Variants in SPATA31A6 observed in about 807,000 individuals in gnomAD.
SPATA31A6 encodes the protein spermatogenesis-associated protein 31A6.
SPATA31A6 carries 9 observed loss-of-function variants against 11.9 expected under a neutral mutation model. The ratio of observed to expected loss-of-function variants is 0.76; its 90% confidence interval spans 0.46 to 1.32. SPATA31A6 has a LOEUF of 1.32. SPATA31A6 is among the 40% of genes most tolerant of loss of function. The probability of loss-of-function intolerance (pLI) is 0.00; values close to 1 mark genes in which losing one functional copy is unlikely to be tolerated. For missense variants in SPATA31A6, 855 were observed against 1,467.3 expected (o/e 0.58, Z 6.82); for synonymous variants, 314 against 572.1 (o/e 0.55, Z 6.44).
chr9:42,186,736 A>G lies in SPATA31A6; in HGVS notation c.1034A>G (p.Glu345Gly), dbSNP rs1464365571. 6.5e-7 allele frequency: 1 copy of G among 1,529,936 alleles called. No homozygotes were observed. The highest frequency in any genetic ancestry group is 1.8e-5 in the Admixed American group (1 of 56,984). 94.8% of individuals were successfully genotyped at this position (1,529,936 alleles called of 1,614,324 possible). A position where few individuals can be genotyped will look rare whatever the true frequency, so the allele number is the denominator to read the frequency against. Residue 345 changes from glutamate (E) to glycine (G), a missense_variant, in exon 4 of 4, where the codon GAA becomes GGA. Physicochemically the swap from Glu to Gly is moderately conservative, Grantham distance 98 (BLOSUM62 -2). Coordinates refer to ENST00000332857, the MANE Select transcript of SPATA31A6 (RefSeq NM_001145196.1). ...AAGGTCAACATTTGGGAAGAAAAAG[A>G]AAATGTTGGATCATTTACAAATCAA... ...TAKVNIWEEK[E>G]NVGSFTNQMT...
intron 1 of SPATA31A6, 133 bp downstream of exon 1, chr9:42,184,009 C>T: frequency 7.1e-7 from 1 of 1,415,722 alleles, no homozygotes; most frequent in Non-Finnish European, 9.4e-7. Context: ...CATCATCCTT[C>T]CAGGGAGAGG....
In SPATA31A6 at chr9:42,189,425, G is replaced by T. The variant is rs1246383484; in HGVS notation, c.3723G>T (p.Gly1241=). The part of the protein sequence containing the change: ...HKQKFQAPVC[G]FPCNHRHLFY... ...AGAAGTTTCAAGCCCCAGTCTGTGG[G>T]TTTCCCTGCAACCACAGGCACCTCT... Residue 1241 remains glycine, a synonymous_variant, in exon 4 of 4, where the codon GGG becomes GGT. Coordinates refer to ENST00000332857, the MANE Select transcript of SPATA31A6 (RefSeq NM_001145196.1). The T allele has an allele frequency of 2.6e-6, 4 of 1,563,022 alleles. No individual in the cohort carries two copies.
intron 1 of SPATA31A6, among the ~76,000 whole-genome samples, chr9:42,184,359 C>T (rs1288990414): frequency 6.2e-5 from 8 of 129,420 alleles, no homozygotes; most frequent in Non-Finnish European, 9.7e-5. Flanking sequence ...GCAGTGCCTG[C>T]GGGCCTGAAC....
rs1478010313 is a variant in SPATA31A6 at position 42,185,653 on chromosome 9, G to A, written c.248-42G>A. ...CCACTCAGCCTCCTGTGAGATCCCA[G>A]GCCCCTCCCTCACTGCCCTAACCCA... On this transcript the variant is annotated intron_variant, in intron 2 of 3. Coordinates refer to ENST00000332857, the MANE Select transcript of SPATA31A6 (RefSeq NM_001145196.1). 4.1e-6 allele frequency: 6 copies of A among 1,470,290 alleles called. 1 individual carries two copies. The Admixed American group carries it at 9.1e-5, about 22-fold the overall frequency. 91.1% of individuals were successfully genotyped at this position (1,470,290 alleles called of 1,614,324 possible). A position where few individuals can be genotyped will look rare whatever the true frequency, so the allele number is the denominator to read the frequency against.
chr9:42,183,753 A>G lies in SPATA31A6; in HGVS notation c.66A>G (p.Thr22=). ...CATCGCTAAACGCCCCCAGCTCCAC[A>G]CCATGGGTGTTGGATATCTTCCTCA... ...SASSLNAPSS[T]PWVLDIFLTL... Residue 22 remains threonine (T), a synonymous_variant, in exon 1 of 4, where the codon ACA becomes ACG. Transcript: ENST00000332857. 6.5e-7 allele frequency: 1 copy of G among 1,535,154 alleles called. No homozygotes were observed. Among genetic ancestry groups the G allele is most frequent in the South Asian group, 1.1e-5 (1 of 87,276 alleles).
In SPATA31A6 at chr9:42,187,360, C is replaced by T; in HGVS notation, c.1658C>T (p.Ala553Val). 6.5e-7 allele frequency: 1 copy of T among 1,536,652 alleles called. No homozygotes were observed. The highest frequency in any genetic ancestry group is 8.8e-7 in the Non-Finnish European group (1 of 1,136,638). ...LLRKQLEGRLALPSRVQKSQD... is the reference protein window; with the variant it reads ...LLRKQLEGRLVLPSRVQKSQD... The stretch of plus-strand genomic sequence containing the variant: ...AGGAAACAACTAGAAGGTAGGTTGG[C>T]TTTACCCTCTAGGGTCCAAAAATCT... The change falls in exon 4 of 4, where the codon GCT (alanine) becomes GTT (valine). Residue 553 changes from alanine (A) to valine (V), a missense_variant. Physicochemically the swap from Ala to Val is moderately conservative, Grantham distance 64. Coordinates refer to ENST00000332857, the MANE Select transcript of SPATA31A6 (RefSeq NM_001145196.1).
At chr9:42,184,641 T>TGTC (rs1249705072) in intron 1 of SPATA31A6, among the ~76,000 whole-genome samples, 1 of 136,092 alleles carries the variant, frequency 7.3e-6, no homozygotes, top group Non-Finnish European at 1.6e-5. Flanking sequence ...GCGATTCTCC[T>TGTC]GTCTTAGCGT....
chr9:42,187,612 G>C lies in SPATA31A6; in HGVS notation c.1910G>C (p.Ser637Thr). 8.1e-7 allele frequency: 1 copy of C among 1,235,526 alleles called. No homozygotes were observed. Among genetic ancestry groups the C allele is most frequent in the Non-Finnish European group, 1.1e-6 (1 of 900,584 alleles). The allele number at this position is 1,235,526 out of a possible 1,614,324, so 76.5% of individuals were successfully genotyped here. Reference protein sequence around the residue: ...PGTSQAKGKPSPWQSSTSTGE... With the variant: ...PGTSQAKGKPTPWQSSTSTGE... ...ACAAGTCAGGCCAAGGGCAAACCCA[G>C]TCCCTGGCAGTCCTCCACGTCCACA... The change falls in exon 4 of 4, where the codon AGT (serine) becomes ACT (threonine). Residue 637 changes from serine to threonine, a missense_variant. Physicochemically the swap from Ser to Thr is moderately conservative, Grantham distance 58. Transcript: ENST00000332857.
In SPATA31A6 at chr9:42,187,173, G is replaced by T. The variant is rs1394389004; in HGVS notation, c.1471G>T (p.Ala491Ser). ...ACCCCAATTCCTGCCCACACCTATG[G>T]CTCAGGCCGAGGCTCAGGCCCATCT... ...STPQFLPTPM[A>S]QAEAQAHLQS... The change falls in exon 4 of 4, where the codon GCT becomes TCT. Residue 491 changes from alanine (A) to serine (S), a missense_variant. Transcript: ENST00000332857. 4.5e-6 allele frequency: 7 copies of T among 1,542,610 alleles called. 1 individual carries two copies. In the Admixed American group the frequency reaches 5.2e-5, roughly 12 times the overall value.
Position 42,187,384 on chromosome 9 carries a change from C to G in SPATA31A6, c.1682C>G (p.Ser561Cys). 1 of 1,533,112 alleles carries G rather than the reference C, an allele frequency of 6.5e-7. No homozygotes were observed. 95.0% of individuals were successfully genotyped at this position (1,533,112 alleles called of 1,614,324 possible). The change falls in exon 4 of 4, where the codon TCT becomes TGT. Residue 561 changes from serine (S) to cysteine (C), a missense_variant. Physicochemically the swap from Ser to Cys is moderately radical, Grantham distance 112. Transcript: ENST00000332857. ...RLALPSRVQK[S>C]QDVFSVSTPN... ...GCTTTACCCTCTAGGGTCCAAAAAT[C>G]TCAGGACGTCTTTAGTGTCTCCACT...
chr9:42,189,524 T>G lies in SPATA31A6; in HGVS notation c.3822T>G (p.Cys1274Trp). ...AAGCCACTCTCAAGAGCCAGGGTTG[T>G]CCCAACAGAGACAGGCAAATCAGAA... ...SQQATLKSQGCPNRDRQIRNQ... is the reference protein window; with the variant it reads ...SQQATLKSQGWPNRDRQIRNQ... Residue 1274 changes from cysteine to tryptophan, a missense_variant, in exon 4 of 4, where the codon TGT (cysteine) becomes TGG (tryptophan). Transcript: ENST00000332857. 6.4e-7 allele frequency: 1 copy of G among 1,550,672 alleles called. No individual in the cohort carries two copies. Among genetic ancestry groups the G allele is most frequent in the Non-Finnish European group, 8.7e-7 (1 of 1,148,196 alleles).
In SPATA31A6 at chr9:42,183,732, G is replaced by A. The variant is rs768269432; in HGVS notation, c.45G>A (p.Ser15=). The part of the protein sequence containing the change: ...PFPLKLLSAS[S]LNAPSSTPWV... ...CTTTAAAATTACTTAGTGCCTCATC[G>A]CTAAACGCCCCCAGCTCCACACCAT... The change falls in exon 1 of 4, where the codon TCG becomes TCA. Residue 15 remains serine, a synonymous_variant. Transcript: ENST00000332857. The A allele has an allele frequency of 3.9e-6, 6 of 1,534,574 alleles. 1 individual carries two copies. The highest frequency in any genetic ancestry group is 2.4e-5 in the East Asian group (1 of 41,682).
Position 42,186,839 on chromosome 9 carries a change from A to C in SPATA31A6, c.1137A>C (p.Pro379=). The change falls in exon 4 of 4, where the codon CCA becomes CCC. Residue 379 remains proline, a synonymous_variant. Transcript: ENST00000332857. The stretch of plus-strand genomic sequence containing the variant: ...ATGCTGAGCAGGACACCACAAACCC[A>C]AAACCCTTCTGGAACATGGGAGAGA... ...SLDAEQDTTN[P]KPFWNMGENS... The C allele has an allele frequency of 6.5e-7, 1 of 1,535,312 alleles. No individual in the cohort carries two copies. Among genetic ancestry groups the C allele is most frequent in the Non-Finnish European group, 8.8e-7 (1 of 1,142,218 alleles).
chr9:42,185,699 T>C lies in SPATA31A6; in HGVS notation c.252T>C (p.Gly84=), dbSNP rs1172710589. The change falls in exon 3 of 4, where the codon GGT becomes GGC. Residue 84 remains glycine, a synonymous_variant. Transcript: ENST00000332857. ...GRMKNHSLRA[G]RECPRGLEET... ...ACCCAGTCTCCTGATTTCCAGCTGG[T>C]AGAGAGTGCCCGAGAGGCCTGGAGG... 3.5e-6 allele frequency: 5 copies of C among 1,439,518 alleles called. 1 individual carries two copies. In the Admixed American group the frequency reaches 9.3e-5, roughly 27 times the overall value. The allele number at this position is 1,439,518 out of a possible 1,614,324, so 89.2% of individuals were successfully genotyped here. A position where few individuals can be genotyped will look rare whatever the true frequency, so the allele number is the denominator to read the frequency against.
chr9:42,184,682 C>A (rs1404213900), intron 1 of SPATA31A6, among the ~76,000 whole-genome samples: 2 of 135,532 alleles, frequency 1.5e-5, no homozygotes, highest in Non-Finnish European at 3.1e-5. Context: ...AGGCGCCCAC[C>A]ACCATGCCTG....
In SPATA31A6 at chr9:42,186,615, C is replaced by T. The variant is rs1829456295; in HGVS notation, c.913C>T (p.His305Tyr). ...AGTCCAGCAAGATCCTCTTTCCCGC[C>T]ACCCACCAGAGACCTGTCAGATGGA... Reference protein sequence around the residue: ...SSVQQDPLSRHPPETCQMEAG... With the variant: ...SSVQQDPLSRYPPETCQMEAG... The change falls in exon 4 of 4, where the codon CAC (histidine) becomes TAC (tyrosine). Residue 305 changes from histidine to tyrosine, a missense_variant. By Grantham distance (83) the His-to-Tyr change is moderately conservative. Coordinates refer to ENST00000332857, the MANE Select transcript of SPATA31A6 (RefSeq NM_001145196.1). 2 of 1,532,764 alleles carry T rather than the reference C, an allele frequency of 1.3e-6. No homozygotes were observed. The highest frequency in any genetic ancestry group is 1.8e-6 in the Non-Finnish European group (2 of 1,137,290). 94.9% of individuals were successfully genotyped at this position (1,532,764 alleles called of 1,614,324 possible).
chr9:42,184,525 T>C (rs1829407750), intron 1 of SPATA31A6, among the ~76,000 whole-genome samples: 1 of 128,234 alleles, frequency 7.8e-6, no homozygotes, highest in Non-Finnish European at 1.6e-5. Flanking sequence ...TATTTTATTT[T>C]ATTTTATTTT....
At position 42,189,145 on chromosome 9, in the gene SPATA31A6, C is replaced by T. The variant is rs752444723; in HGVS notation, c.3443C>T (p.Pro1148Leu). The T allele has an allele frequency of 2.0e-5, 31 of 1,545,126 alleles. 5 individuals are homozygous for T. Among genetic ancestry groups the T allele is most frequent in the Non-Finnish European group, 2.7e-5 (31 of 1,139,434 alleles). The change falls in exon 4 of 4, where the codon CCA (proline) becomes CTA (leucine). Residue 1148 changes from proline (P) to leucine (L), a missense_variant. Physicochemically the swap from Pro to Leu is moderately conservative, Grantham distance 98. Transcript: ENST00000332857. ...CAGGATGAAGGCGTCCAGCTACTGC[C>T]ATCAAAGAAACAGCCTCCTTCAGTA... Reference protein sequence around the residue: ...THQDEGVQLLPSKKQPPSVSH... With the variant: ...THQDEGVQLLLSKKQPPSVSH...
Position 42,189,342 on chromosome 9 carries a change from G to A in SPATA31A6, c.3640G>A (p.Asp1214Asn), listed in dbSNP as rs1471073207. The A allele has an allele frequency of 1.9e-6, 3 of 1,542,310 alleles. 1 individual carries two copies. The South Asian group carries it at 3.5e-5, about 18-fold the overall frequency. Residue 1214 changes from aspartate (D) to asparagine (N), a missense_variant, in exon 4 of 4, where the codon GAC (aspartate) becomes AAC (asparagine). Asp to Asn is a conservative substitution (Grantham distance 23, BLOSUM62 1). Transcript: ENST00000332857. The stretch of plus-strand genomic sequence containing the variant: ...CATGACGGCAGTTGGACAAATGCTG[G>A]ACAAGAAAATGTCACTTTGCCATGC... Reference protein sequence around the residue: ...GLMTAVGQMLDKKMSLCHAHH... With the variant: ...GLMTAVGQMLNKKMSLCHAHH...
Sources: gnomAD v4.1 joint callset for allele counts (sites outside exome capture counted in the v4.1 genomes callset) on GRCh38, gnomAD v4.1.1 for gene constraint, MANE v1.5 for transcripts, NCBI Gene and HGNC (gene_info 2026-07-23, HGNC 2026-07-21) for gene names.